RTL4: variants seen among roughly 807,000 people sequenced by gnomAD.
RTL4 encodes retrotransposon Gag like 4.
RTL4 carries 4 observed loss-of-function variants against 5.3 expected under a neutral mutation model. The observed-to-expected ratio is 0.75, with a 90% CI of 0.37 to 1.72. The LOEUF (loss-of-function observed/expected upper bound fraction) is 1.72. Among genes scored for constraint, RTL4 ranks in the 40% most tolerant of loss-of-function variants. The pLI is 0.04. For synonymous variants in RTL4, 98 were observed against 87.3 expected, an observed-to-expected ratio of 1.12 and a Z score of -0.68; for missense variants, 260 against 227.1, an observed-to-expected ratio of 1.14 and a Z score of -0.93.
chrX:112,128,659 C>CAAAAAAA, the RTL4 span, among the ~76,000 whole-genome samples: 21 of 41,117 alleles, frequency 5.1e-4, no homozygotes, highest in Admixed American at 1.3e-3. Flanking sequence ...CTCTGTCTCA[C>CAAAAAAA]AAAAAAAAAA....
At chrX:112,087,934 T>C in the RTL4 span, among the ~76,000 whole-genome samples, 1 of 111,487 alleles carries the variant, frequency 9.0e-6, no homozygotes, top group East Asian at 2.8e-4. Context: ...ACTATACAAT[T>C]TAGTGACATT....
At chrX:112,185,185 C>G in the RTL4 span, among the ~76,000 whole-genome samples, 1 of 109,461 alleles carries the variant, frequency 9.1e-6, no homozygotes, top group African/African-American at 3.3e-5. Context: ...TTTATACTAT[C>G]CCCTCATCAA....
At chrX:112,310,414 A>ATT in the RTL4 span, among the ~76,000 whole-genome samples, 2 of 27,658 alleles carry the variant, frequency 7.2e-5, no homozygotes, top group East Asian at 3.2e-3. Flanking sequence ...ATATATATAT[A>ATT]TTTAATATAA....
At chrX:112,375,316 G>A in the RTL4 span, among the ~76,000 whole-genome samples, 3 of 111,017 alleles carry the variant, frequency 2.7e-5, no homozygotes, top group Non-Finnish European at 1.9e-5. Context: ...TGTCTCAAGT[G>A]GTTCTCAGGC....
the RTL4 span, among the ~76,000 whole-genome samples, chrX:112,384,142 T>C: frequency 8.9e-6 from 1 of 112,123 alleles, no homozygotes; most frequent in South Asian, 3.7e-4. Flanking sequence ...TCAAAGTGGC[T>C]GAAATATTTT....
At chrX:112,399,380 T>A in the RTL4 span, among the ~76,000 whole-genome samples, 1 of 111,614 alleles carries the variant, frequency 9.0e-6, no homozygotes, top group Non-Finnish European at 1.9e-5. Context: ...TTGCTCTTTT[T>A]TTCTAGTTTT....
At chrX:112,343,782 G>T in the RTL4 span, among the ~76,000 whole-genome samples, 3 of 111,579 alleles carry the variant, frequency 2.7e-5, no homozygotes, top group Non-Finnish European at 5.6e-5. Context: ...GGTCAGAAGC[G>T]GGAGGAAACT....
chrX:112,158,673 T>C, the RTL4 span, among the ~76,000 whole-genome samples: 2 of 111,274 alleles, frequency 1.8e-5, no homozygotes, highest in African/African-American at 3.3e-5. Context: ...AGCTGCATAG[T>C]ATTCTACTCT....
At chrX:112,372,382 G>A in the RTL4 span, among the ~76,000 whole-genome samples, 31 of 111,248 alleles carry the variant, frequency 2.8e-4, no homozygotes, top group Non-Finnish European at 4.7e-4. Context: ...ACTGTTGATG[G>A]ACATTACAGC....
exon 1 of RTL4, chrX:112,455,736 A>T (rs766600471): frequency 1.0e-3 from 1,004 of 974,020 alleles, no homozygotes; most frequent in Non-Finnish European, 1.3e-3. Context: ...AACTTTTAAA[A>T]TACAGATGGG....
the RTL4 span, among the ~76,000 whole-genome samples, chrX:112,130,813 A>C: frequency 2.1e-5 from 2 of 95,367 alleles, no homozygotes; most frequent in Non-Finnish European, 4.1e-5. Flanking sequence ...TTTTTTTGTA[A>C]GACTGAGTCT....
At chrX:112,137,240 A>G in the RTL4 span, among the ~76,000 whole-genome samples, 1 of 112,436 alleles carries the variant, frequency 8.9e-6, no homozygotes, top group African/African-American at 3.2e-5. Flanking sequence ...GCCAACAGGT[A>G]TATGAAAATG....
the RTL4 span, among the ~76,000 whole-genome samples, chrX:112,349,423 G>T: frequency 3.6e-5 from 4 of 111,095 alleles, no homozygotes; most frequent in African/African-American, 1.3e-4. Context: ...GCTTGATGGG[G>T]ATACCATTGA....
chrX:112,181,771 G>T, the RTL4 span, among the ~76,000 whole-genome samples: 1 of 111,922 alleles, frequency 8.9e-6, no homozygotes, highest in Non-Finnish European at 1.9e-5. Flanking sequence ...AGACTTAAAA[G>T]TTCCTGCCTG....
At chrX:112,142,051 C>T in the RTL4 span, among the ~76,000 whole-genome samples, 1 of 112,072 alleles carries the variant, frequency 8.9e-6, no homozygotes, top group Non-Finnish European at 1.9e-5. Context: ...TACAATATTG[C>T]CATCTGTACT....
chrX:112,444,951 A>C, the RTL4 span, among the ~76,000 whole-genome samples: 2 of 111,440 alleles, frequency 1.8e-5, no homozygotes, highest in Non-Finnish European at 3.8e-5. Context: ...TTTTCAAAAA[A>C]CCAACTTTTG....
the RTL4 span, among the ~76,000 whole-genome samples, chrX:112,273,256 A>AT: frequency 4.0e-3 from 395 of 99,883 alleles, no homozygotes; most frequent in Non-Finnish European, 5.5e-3. Context: ...AGAGTTGATG[A>AT]TTTTTTTTTT....
the RTL4 span, among the ~76,000 whole-genome samples, chrX:112,404,504 G>A: frequency 1.8e-5 from 2 of 111,721 alleles, no homozygotes; most frequent in East Asian, 5.7e-4. Flanking sequence ...TCTTATGCCT[G>A]CCTGCTCCAC....
chrX:112,309,073 T>G, the RTL4 span, among the ~76,000 whole-genome samples: 1 of 111,583 alleles, frequency 9.0e-6, no homozygotes, highest in Admixed American at 9.6e-5. Flanking sequence ...AAACCATTGT[T>G]TATATATTGA....
Sources: allele counts gnomAD v4.1 joint callset (sites outside exome capture counted in the v4.1 genomes callset), GRCh38; gene constraint gnomAD v4.1.1; transcripts MANE v1.5; gene names NCBI Gene and HGNC (gene_info 2026-07-23, HGNC 2026-07-21).